CEP290: variants seen among roughly 807,000 people sequenced by gnomAD.
CEP290 encodes the protein centrosomal protein of 290 kDa.
A neutral mutation model predicts 344.9 loss-of-function variants in CEP290; 317 were observed. The observed-to-expected ratio is 0.92, with a 90% CI of 0.84 to 1.01. CEP290 has a LOEUF of 1.01. Among genes scored for constraint, CEP290 ranks in the 50% least tolerant of loss-of-function variants. The probability of loss-of-function intolerance (pLI) is 0.00; values close to 1 mark genes in which losing one functional copy is unlikely to be tolerated. For missense variants in CEP290, 2,754 were observed against 2,761.4 expected (o/e 1.00, Z 0.06); for synonymous variants, 932 against 895.8 (o/e 1.04, Z -0.72).
chr12:88,130,587 C>G (rs375575955), intron 7 of CEP290, 22 bp from the exon 8 acceptor site: 24 of 1,541,794 alleles, frequency 1.6e-5, no homozygotes, highest in Non-Finnish European at 2.1e-5. Context: ...GACAGGAAAA[C>G]GGTAATTAGA....
intron 13 of CEP290, among the ~76,000 whole-genome samples, chr12:88,121,709 C>T (rs1592645410): frequency 1.3e-5 from 2 of 152,036 alleles, no homozygotes; most frequent in East Asian, 3.9e-4. Flanking sequence ...ATGAGGGTGG[C>T]AACTTCACAT....
chr12:88,076,370 T>G lies in CEP290; in HGVS notation c.5709+852A>C, dbSNP rs2035772642. On this transcript the variant is annotated intron_variant, in intron 41 of 53. Transcript: ENST00000552810. The stretch of plus-strand genomic sequence containing the variant: ...ATTCAATGCCTTTAAAGACAGAATT[T>G]TCTTTTCCATTTTCATGTGATTGAA... Among the ~76,000 whole-genome samples, 3 of 152,262 alleles carry G rather than the reference T, an allele frequency of 2.0e-5. No homozygotes were observed. In the South Asian group the frequency reaches 6.2e-4, roughly 32 times the overall value.
intron 26 of CEP290, among the ~76,000 whole-genome samples, chr12:88,100,446 C>CTCTA (rs1430576612): frequency 6.6e-6 from 1 of 151,784 alleles, no homozygotes; most frequent in Non-Finnish European, 1.5e-5. Context: ...TTTTCGTGAC[C>CTCTA]TCTAGTCTCA....
chr12:88,121,708 G>C (rs1432319820), intron 13 of CEP290, among the ~76,000 whole-genome samples: 1 of 151,950 alleles, frequency 6.6e-6, no homozygotes, highest in Non-Finnish European at 1.5e-5. Context: ...TATGAGGGTG[G>C]CAACTTCACA....
chr12:88,124,558 TATGAC>T (rs1467248088), intron 13 of CEP290, among the ~76,000 whole-genome samples: 1 of 151,934 alleles, frequency 6.6e-6, no homozygotes, highest in African/African-American at 2.4e-5. Context: ...CACACACACA[TATGAC>T]ATGTATATAT....
chr12:88,115,482 T>A, intron 18 of CEP290: 1 of 1,304,132 alleles, frequency 7.7e-7, no homozygotes, highest in Non-Finnish European at 1.0e-6. Flanking sequence ...CACTACCTGT[T>A]CTGCCTGGCT....
At chr12:88,088,524 T>C (rs190750398) in intron 31 of CEP290, among the ~76,000 whole-genome samples, 13 of 152,308 alleles carry the variant, frequency 8.5e-5, no homozygotes, top group African/African-American at 3.1e-4. Context: ...ACATTCCCAC[T>C]AAAATCTTTG....
At chr12:88,114,296 A>G in intron 20 of CEP290, 124 bp downstream of exon 20, 1 of 734,792 alleles carries the variant, frequency 1.4e-6, no homozygotes, top group Non-Finnish European at 2.1e-6. Context: ...TACACTTTAC[A>G]TACAGGGAAA....
chr12:88,102,243 A>G (rs930237782), intron 26 of CEP290, among the ~76,000 whole-genome samples: 2 of 152,150 alleles, frequency 1.3e-5, no homozygotes, highest in African/African-American at 4.8e-5. Flanking sequence ...ATTCTACTCT[A>G]GTTTTTTTAT....
chr12:88,082,828 C>T (rs2036291390), intron 37 of CEP290, among the ~76,000 whole-genome samples: 1 of 152,192 alleles, frequency 6.6e-6, no homozygotes, highest in Admixed American at 6.5e-5. Flanking sequence ...TACCCCCAGA[C>T]ATGCTATTAA....
rs2033247646 is a variant in CEP290, at chr12:88,049,340, C to T, written c.7284G>A (p.Lys2428=). The T allele has an allele frequency of 6.3e-7, 1 of 1,582,088 alleles. No individual in the cohort carries two copies. Among genetic ancestry groups the T allele is most frequent in the Non-Finnish European group, 8.6e-7 (1 of 1,160,424 alleles). ...PSFFEEIEDL[K]YNYKEEVKKN... ...TCTTCACTTCTTCCTTGTAATTATA[C>T]TTAAGATCTTCAATTTCTTCAAAAA... is the stretch of plus-strand genomic sequence containing the variant. Residue 2428 remains lysine (K), a synonymous_variant, in exon 54 of 54, where the codon AAG becomes AAA. Transcript: ENST00000552810.
intron 29 of CEP290, among the ~76,000 whole-genome samples, chr12:88,092,149 G>A (rs1251310825): frequency 6.6e-6 from 1 of 152,082 alleles, no homozygotes; most frequent in East Asian, 1.9e-4. Context: ...CATGTAAAAT[G>A]AAAACAAAAA....
chr12:88,062,957 G>A (rs1198654704), intron 45 of CEP290, among the ~76,000 whole-genome samples, 179 bp from the exon 46 acceptor site: 3 of 152,070 alleles, frequency 2.0e-5, no homozygotes, highest in African/African-American at 7.2e-5. Context: ...CAAGAATATT[G>A]TGTATATGAA....
chr12:88,092,880 G>T lies in CEP290; in HGVS notation c.3310-48C>A, dbSNP rs764488172. The T allele has an allele frequency of 1.6e-5, 25 of 1,564,654 alleles. No homozygotes were observed. Among genetic ancestry groups the T allele is most frequent in the Middle Eastern group, 1.7e-4 (1 of 5,950 alleles). On this transcript the variant is annotated intron_variant, in intron 28 of 53. Coordinates refer to ENST00000552810, the MANE Select transcript of CEP290 (RefSeq NM_025114.4). ...GTTCAGATACATCAATTTTTGGTGAGGTTTTCTTTGTAATTTAGCTTTTAA... is the reference window on the plus strand; with the variant it reads ...GTTCAGATACATCAATTTTTGGTGATGTTTTCTTTGTAATTTAGCTTTTAA...
In CEP290 at chr12:88,049,419, T is replaced by A. The variant is rs2033257006; in HGVS notation, c.7210-5A>T. 5 of 1,315,730 alleles carry A rather than the reference T, an allele frequency of 3.8e-6. No individual in the cohort carries two copies. The Admixed American group carries it at 1.1e-4, about 30-fold the overall frequency. 81.5% of individuals were successfully genotyped at this position (1,315,730 alleles called of 1,614,324 possible). A position where few individuals can be genotyped will look rare whatever the true frequency, so the allele number is the denominator to read the frequency against. ...TTTCAGCTTCTTTATTTCCTCCTAATGGAAACATTATCTTTAAAAGTTGCA... is the reference window on the plus strand; with the variant it reads ...TTTCAGCTTCTTTATTTCCTCCTAAAGGAAACATTATCTTTAAAAGTTGCA... On this transcript the variant is annotated splice_region_variant and splice_polypyrimidine_tract_variant and intron_variant, in intron 53 of 53. Transcript: ENST00000552810.
intron 43 of CEP290, among the ~76,000 whole-genome samples, chr12:88,070,831 A>G (rs1044168829): frequency 7.9e-5 from 12 of 152,110 alleles, no homozygotes; most frequent in African/African-American, 1.7e-4. Flanking sequence ...TTCTGGGCTC[A>G]CTCTTGAGCT....
At chr12:88,059,601 G>A (rs1041036577) in intron 48 of CEP290, among the ~76,000 whole-genome samples, 7 of 152,120 alleles carry the variant, frequency 4.6e-5, no homozygotes, top group Non-Finnish European at 7.4e-5. Flanking sequence ...TAGAGACGGG[G>A]TTTCACCGTG....
chr12:88,120,013 G>T, intron 15 of CEP290, 101 bp downstream of exon 15: 11 of 635,718 alleles, frequency 1.7e-5, no homozygotes, highest in East Asian at 7.2e-5. Flanking sequence ...TTTGAAAAAA[G>T]CATTAAACTA....
At chr12:88,078,197 G>A (rs1387249933) in intron 39 of CEP290, among the ~76,000 whole-genome samples, 9 of 149,646 alleles carry the variant, frequency 6.0e-5, no homozygotes, top group East Asian at 1.9e-4. Flanking sequence ...AAATATGCAC[G>A]TTTCATTTTG....
Sources: allele counts gnomAD v4.1 joint callset (sites outside exome capture counted in the v4.1 genomes callset), GRCh38; gene constraint gnomAD v4.1.1; transcripts MANE v1.5; gene names NCBI Gene and HGNC (gene_info 2026-07-23, HGNC 2026-07-21).